Variants in PXDNL observed in about 807,000 individuals in gnomAD.
The protein encoded by PXDNL is probable oxidoreductase PXDNL.
PXDNL carries 145 observed loss-of-function variants against 150.8 expected under a neutral mutation model. The observed-to-expected ratio is 0.96, with a 90% CI of 0.84 to 1.10. The LOEUF (loss-of-function observed/expected upper bound fraction) is 1.10, where lower values mean the gene tolerates loss of function less well. PXDNL is among the 50% of genes least tolerant of loss of function. The probability of loss-of-function intolerance (pLI) is 0.00; values close to 1 mark genes in which losing one functional copy is unlikely to be tolerated. For missense variants in PXDNL, 2,087 were observed against 1,873.9 expected (o/e 1.11, Z -2.10); for synonymous variants, 757 against 725.7 (o/e 1.04, Z -0.69).
rs865940837 is a variant in PXDNL at position 51,353,378 on chromosome 8, T to C, written c.3902-7431A>G. On this transcript the variant is annotated intron_variant, in intron 19 of 22. Transcript: ENST00000356297. Reference sequence around the variant, plus strand: ...GCTGTGTGTTTTATTAATTTATTTTTATTATTTCATTTTTAATAAAACTAC... The same window carrying C: ...GCTGTGTGTTTTATTAATTTATTTTCATTATTTCATTTTTAATAAAACTAC... 1.3e-4 allele frequency among the ~76,000 whole-genome samples: 20 copies of C among 151,990 alleles called. 1 individual carries two copies. The South Asian group carries it at 2.9e-3, about 22-fold the overall frequency.
rs571897724 is a variant in PXDNL, at chr8:51,745,831, G to A, written c.164+63350C>T. ...AGTGGTGAGACTGGAGTGCAGTGGT[G>A]CGACCTCAGCTCACTACAACCTCTG... is the stretch of plus-strand genomic sequence containing the variant. On this transcript the variant is annotated intron_variant, in intron 1 of 22. Transcript: ENST00000356297. 3.3e-5 allele frequency among the ~76,000 whole-genome samples: 5 copies of A among 150,782 alleles called. No individual in the cohort carries two copies. The South Asian group carries it at 1.0e-3, about 31-fold the overall frequency.
intron 1 of PXDNL, among the ~76,000 whole-genome samples, chr8:51,728,978 G>T (rs937438584): frequency 6.6e-6 from 1 of 152,018 alleles, no homozygotes. Flanking sequence ...CTTTTATATG[G>T]TATTTTTCTG....
chr8:51,554,548 T>C (rs77195580), intron 4 of PXDNL, among the ~76,000 whole-genome samples: 127 of 152,330 alleles, frequency 8.3e-4, no homozygotes, highest in South Asian at 1.5e-3. Context: ...ATTCATCTCT[T>C]CCTACATTTT....
intron 4 of PXDNL, among the ~76,000 whole-genome samples, chr8:51,530,114 G>A (rs1187246233): frequency 6.6e-6 from 1 of 152,168 alleles, no homozygotes; most frequent in Non-Finnish European, 1.5e-5. Context: ...GGGAGATGTG[G>A]GGTTGGCAGC....
chr8:51,373,293 A>C (rs1807186262), intron 18 of PXDNL, among the ~76,000 whole-genome samples: 1 of 152,200 alleles, frequency 6.6e-6, no homozygotes, highest in Admixed American at 6.5e-5. Flanking sequence ...CCCCAGTAGG[A>C]ATCAACCCTG....
At position 51,499,688 on chromosome 8, in the gene PXDNL, T is replaced by G; in HGVS notation, c.452+11A>C. On this transcript the variant is annotated intron_variant, in intron 5 of 22. Transcript: ENST00000356297. ...GCAGAAGCAAAGGACATCTAAAGGG[T>G]CAACACTTACAGTCGCTCTAATCTC... 1 of 1,597,792 alleles carries G rather than the reference T, an allele frequency of 6.3e-7. No individual in the cohort carries two copies. Among genetic ancestry groups the G allele is most frequent in the Non-Finnish European group, 8.6e-7 (1 of 1,165,518 alleles).
chr8:51,462,781 A>T (rs1810112292), intron 8 of PXDNL, among the ~76,000 whole-genome samples: 1 of 152,196 alleles, frequency 6.6e-6, no homozygotes. Flanking sequence ...TCAGCATGCA[A>T]ATTCAAGAAA....
At chr8:51,561,389 G>A (rs907950204) in intron 3 of PXDNL, among the ~76,000 whole-genome samples, 1 of 151,914 alleles carries the variant, frequency 6.6e-6, no homozygotes, top group Middle Eastern at 3.4e-3. Flanking sequence ...ACAAAATGTG[G>A]TATATACATA....
intron 1 of PXDNL, among the ~76,000 whole-genome samples, chr8:51,663,603 T>C (rs1815321204): frequency 6.6e-6 from 1 of 152,108 alleles, no homozygotes; most frequent in African/African-American, 2.4e-5. Flanking sequence ...AGGAGAACAT[T>C]GCGGTTTTGA....
At chr8:51,650,466 A>C (rs1815010748) in intron 2 of PXDNL, among the ~76,000 whole-genome samples, 1 of 152,172 alleles carries the variant, frequency 6.6e-6, no homozygotes. Flanking sequence ...TTTGTTTTGT[A>C]GGATAATGAG....
At chr8:51,375,025 G>GTA (rs544070920) in intron 17 of PXDNL, among the ~76,000 whole-genome samples, 280 of 149,684 alleles carry the variant, frequency 1.9e-3, no homozygotes, top group Middle Eastern at 0.01. Context: ...GAGTATAACT[G>GTA]TATATATATA....
intron 19 of PXDNL, among the ~76,000 whole-genome samples, chr8:51,349,114 T>TA (rs1013320441): frequency 3.3e-5 from 5 of 151,710 alleles, no homozygotes; most frequent in African/African-American, 1.2e-4. Flanking sequence ...CAGATGTGGA[T>TA]GAAGATACAG....
chr8:51,747,279 G>T (rs1355541507), intron 1 of PXDNL, among the ~76,000 whole-genome samples: 2 of 152,138 alleles, frequency 1.3e-5, no homozygotes, highest in Non-Finnish European at 2.9e-5. Flanking sequence ...CAAACACTGT[G>T]CTCCTTCACT....
chr8:51,325,799 T>C (rs1805465631), intron 21 of PXDNL, among the ~76,000 whole-genome samples: 1 of 152,212 alleles, frequency 6.6e-6, no homozygotes. Flanking sequence ...AAGGTGTCCT[T>C]AGGTGCCTCA....
At chr8:51,475,566 C>T (rs925689335) in intron 6 of PXDNL, among the ~76,000 whole-genome samples, 1 of 152,090 alleles carries the variant, frequency 6.6e-6, no homozygotes, top group Admixed American at 6.6e-5. Flanking sequence ...GAGTTTGAGA[C>T]CAGCCTGGGC....
chr8:51,475,266 T>C, intron 6 of PXDNL, 125 bp from the exon 7 acceptor site: 1 of 858,048 alleles, frequency 1.2e-6, no homozygotes, highest in Non-Finnish European at 1.8e-6. Context: ...ACTCCAGGAT[T>C]CTATTAACCA....
chr8:51,750,848 G>T (rs2037039240), intron 1 of PXDNL, among the ~76,000 whole-genome samples: 1 of 152,118 alleles, frequency 6.6e-6, no homozygotes, highest in African/African-American at 2.4e-5. Flanking sequence ...CGCGGTTTCG[G>T]GCATCCACTG....
chr8:51,467,540 G>T (rs929709548), intron 8 of PXDNL, among the ~76,000 whole-genome samples: 3 of 152,014 alleles, frequency 2.0e-5, no homozygotes, highest in African/African-American at 7.2e-5. Flanking sequence ...TTGGGTAGTG[G>T]TTCTGTCATA....
chr8:51,696,830 C>CAT (rs1816152381), intron 1 of PXDNL, among the ~76,000 whole-genome samples: 1 of 149,650 alleles, frequency 6.7e-6, no homozygotes, highest in African/African-American at 2.5e-5. Context: ...CACACACACA[C>CAT]ACACACACAG....
Sources: allele counts gnomAD v4.1 joint callset (sites outside exome capture counted in the v4.1 genomes callset), GRCh38; gene constraint gnomAD v4.1.1; transcripts MANE v1.5; gene names NCBI Gene and HGNC (gene_info 2026-07-23, HGNC 2026-07-21).